Variants in LEPR observed in about 807,000 individuals in gnomAD.
LEPR encodes the protein leptin receptor.
A neutral mutation model predicts 114.7 loss-of-function variants in LEPR; 56 were observed. That is an observed-to-expected ratio of 0.49 (90% confidence interval 0.39 to 0.61). LEPR has a LOEUF of 0.61. Among genes scored for constraint, LEPR ranks in the 20% least tolerant of loss-of-function variants. The pLI, the probability that LEPR is intolerant of heterozygous loss-of-function variation, is 0.00. For synonymous variants in LEPR, 443 were observed against 461.4 expected (o/e 0.96, Z 0.51); for missense variants, 1,202 against 1,352.9 (o/e 0.89, Z 1.75).
intron 2 of LEPR, among the ~76,000 whole-genome samples, chr1:65,460,549 G>T (rs375937512): frequency 6.6e-6 from 1 of 152,074 alleles, no homozygotes; most frequent in South Asian, 2.1e-4. Flanking sequence ...TTCAAAGAAA[G>T]AATTATTAGA....
At position 65,462,841 on chromosome 1, in the gene LEPR, G is replaced by A. The variant is rs147536018; in HGVS notation, c.-21+37463G>A. Among the ~76,000 whole-genome samples, 759 of 152,100 alleles carry A rather than the reference G, an allele frequency of 5.0e-3. 7 individuals carry two copies. Among genetic ancestry groups the A allele is most frequent in the African/African-American group, 0.018 (731 of 41,470 alleles). ...TATATCCTTTGCCCACTTTTTGATG[G>A]GGTTGTTTGTTTTTTTCTTATAAAT... is the stretch of plus-strand genomic sequence containing the variant. On this transcript the variant is annotated intron_variant, in intron 2 of 19. Transcript: ENST00000349533.
At chr1:65,535,245 CTTAGAATTATGGTATACTTATCATAT>C (rs1419484904) in intron 2 of LEPR, among the ~76,000 whole-genome samples, 6 of 150,644 alleles carry the variant, frequency 4.0e-5, no homozygotes, top group Admixed American at 3.3e-4. Flanking sequence ...GATGTTATCT[CTTAGAATTATGGTATACTTATCATAT>C]TAGACCTATC....
At chr1:65,574,028 T>G (rs1044161981) in intron 5 of LEPR, among the ~76,000 whole-genome samples, 4 of 152,238 alleles carry the variant, frequency 2.6e-5, no homozygotes, top group Admixed American at 1.3e-4. Context: ...GGGACCTGTA[T>G]GTACAGAGTT....
intron 2 of LEPR, among the ~76,000 whole-genome samples, chr1:65,520,766 T>C (rs1046099933): frequency 3.3e-5 from 5 of 152,200 alleles, no homozygotes; most frequent in Admixed American, 2.6e-4. Context: ...CTATAGATTA[T>C]AGATTAACTA....
At chr1:65,446,526 A>C (rs1212770884) in intron 2 of LEPR, among the ~76,000 whole-genome samples, 1 of 152,168 alleles carries the variant, frequency 6.6e-6, no homozygotes, top group African/African-American at 2.4e-5. Context: ...CCTTCTGACT[A>C]ATGATGTTAA....
chr1:65,440,338 C>T (rs1162018480), intron 2 of LEPR, among the ~76,000 whole-genome samples: 1 of 151,212 alleles, frequency 6.6e-6, no homozygotes, highest in African/African-American at 2.4e-5. Flanking sequence ...CAGACAAAAC[C>T]CCCAGCCCCC....
chr1:65,620,074 TG>T, intron 17 of LEPR, 51 bp downstream of exon 17: 2 of 1,366,462 alleles, frequency 1.5e-6, no homozygotes, highest in Non-Finnish European at 2.1e-6. Flanking sequence ...GTGCCTAATT[TG>T]TTTGCAGTAA....
At chr1:65,575,653 A>G (rs1390313713) in intron 5 of LEPR, among the ~76,000 whole-genome samples, 2 of 151,474 alleles carry the variant, frequency 1.3e-5, no homozygotes, top group Non-Finnish European at 2.9e-5. Context: ...AAAAAAAAAT[A>G]TAATTCTCTC....
chr1:65,566,082 T>G (rs1313955182), intron 3 of LEPR, among the ~76,000 whole-genome samples: 1 of 152,214 alleles, frequency 6.6e-6, no homozygotes, highest in African/African-American at 2.4e-5. Context: ...ATATATAAAA[T>G]TATTAGTCTA....
chr1:65,546,433 C>T (rs1651732204), intron 2 of LEPR, among the ~76,000 whole-genome samples: 1 of 152,082 alleles, frequency 6.6e-6, no homozygotes, highest in Admixed American at 6.5e-5. Flanking sequence ...ATTCTTCCTA[C>T]CCATGAGCAT....
intron 19 of LEPR, chr1:65,634,530 G>A: frequency 1.1e-6 from 1 of 938,402 alleles, no homozygotes; most frequent in South Asian, 4.9e-5. Context: ...TATTTCAATA[G>A]TATATGAGTA....
chr1:65,591,161 C>T (rs931067063), intron 5 of LEPR, among the ~76,000 whole-genome samples: 4 of 151,878 alleles, frequency 2.6e-5, no homozygotes, highest in African/African-American at 9.7e-5. Flanking sequence ...AAATATCTTT[C>T]TGTTATTGAT....
chr1:65,512,668 A>G (rs1649091433), intron 2 of LEPR, among the ~76,000 whole-genome samples: 1 of 152,140 alleles, frequency 6.6e-6, no homozygotes, highest in Non-Finnish European at 1.5e-5. Flanking sequence ...GGAGATGCCA[A>G]ATTCAACAAA....
chr1:65,587,723 G>A (rs1363671390), intron 5 of LEPR, among the ~76,000 whole-genome samples: 2 of 151,982 alleles, frequency 1.3e-5, no homozygotes, highest in Admixed American at 6.6e-5. Context: ...CCATGCAAAT[G>A]TTGTTTCAGG....
At chr1:65,468,249 C>T (rs1440619266) in intron 2 of LEPR, among the ~76,000 whole-genome samples, 2 of 152,102 alleles carry the variant, frequency 1.3e-5, no homozygotes, top group East Asian at 3.9e-4. Context: ...ATGTGGTGTC[C>T]TGGATGGATC....
intron 8 of LEPR, among the ~76,000 whole-genome samples, chr1:65,600,638 C>T (rs1656385675): frequency 6.6e-6 from 1 of 151,926 alleles, no homozygotes; most frequent in Non-Finnish European, 1.5e-5. Context: ...CCATCATTTA[C>T]TTGTATCTCG....
intron 19 of LEPR, among the ~76,000 whole-genome samples, chr1:65,629,893 T>TA (rs1414050638): frequency 6.6e-6 from 1 of 152,126 alleles, no homozygotes; most frequent in African/African-American, 2.4e-5. Context: ...ACTCTAAACT[T>TA]TCCCTTAACT....
chr1:65,460,793 G>C (rs1378490356), intron 2 of LEPR, among the ~76,000 whole-genome samples: 2 of 151,998 alleles, frequency 1.3e-5, no homozygotes, highest in Non-Finnish European at 1.5e-5. Flanking sequence ...AGTGAGCCAA[G>C]ACTGTGCCAC....
chr1:65,521,980 A>T (rs1389237791), intron 2 of LEPR, among the ~76,000 whole-genome samples: 4 of 152,164 alleles, frequency 2.6e-5, no homozygotes, highest in Admixed American at 2.0e-4. Context: ...GACACCTGTA[A>T]TCCCAGCTAC....
Sources: allele counts gnomAD v4.1 joint callset (sites outside exome capture counted in the v4.1 genomes callset), GRCh38; gene constraint gnomAD v4.1.1; transcripts MANE v1.5; gene names NCBI Gene and HGNC (gene_info 2026-07-23, HGNC 2026-07-21).